LPP: variants seen among roughly 807,000 people sequenced by gnomAD.
The protein encoded by LPP is lipoma-preferred partner.
Under a neutral mutation model 60.4 loss-of-function variants are expected in LPP, and 38 were observed. The ratio of observed to expected loss-of-function variants is 0.63; its 90% CI spans 0.49 to 0.83. The LOEUF is 0.83. Ranked by LOEUF, LPP falls within the 40% of genes least tolerant of loss-of-function variation. The probability of loss-of-function intolerance (pLI) is 0.00; values close to 1 mark genes in which losing one functional copy is unlikely to be tolerated. For missense variants in LPP, 902 were observed against 783.6 expected, an observed-to-expected ratio of 1.15 and a Z score of -1.80; for synonymous variants, 328 against 290.8, an observed-to-expected ratio of 1.13 and a Z score of -1.30.
At chr3:188,787,230 G>T (rs1354343697) in intron 9 of LPP, among the ~76,000 whole-genome samples, 3 of 151,802 alleles carry the variant, frequency 2.0e-5, no homozygotes, top group Admixed American at 6.6e-5. Flanking sequence ...CTGGATAAAG[G>T]GTACTTAGAT....
intron 5 of LPP, among the ~76,000 whole-genome samples, chr3:188,498,686 T>G (rs1810959739): frequency 1.3e-5 from 2 of 152,212 alleles, no homozygotes; most frequent in African/African-American, 4.8e-5. Flanking sequence ...AGAAGTGAAT[T>G]GCTAGATAAC....
chr3:188,566,639 A>G (rs1280146310), intron 6 of LPP, among the ~76,000 whole-genome samples: 3 of 151,876 alleles, frequency 2.0e-5, no homozygotes, highest in South Asian at 2.1e-4. Flanking sequence ...TTCTCTCACT[A>G]TGTAAATTAT....
chr3:188,270,518 C>G (rs142735394), intron 2 of LPP, among the ~76,000 whole-genome samples: 1 of 152,152 alleles, frequency 6.6e-6, no homozygotes, highest in African/African-American at 2.4e-5. Context: ...TAAAGACAAA[C>G]AGCTCAGAAG....
chr3:188,861,751 C>A (rs1033083043), intron 9 of LPP, among the ~76,000 whole-genome samples: 4 of 152,120 alleles, frequency 2.6e-5, no homozygotes, highest in African/African-American at 7.2e-5. Flanking sequence ...TGGGGGTTTT[C>A]TGTACAAAGT....
At chr3:188,181,550 CTT>C (rs1336914998) in intron 1 of LPP, among the ~76,000 whole-genome samples, 2 of 152,168 alleles carry the variant, frequency 1.3e-5, no homozygotes, top group African/African-American at 4.8e-5. Context: ...TCCTCCTCCT[CTT>C]GTTTCCGCTG....
At chr3:188,448,738 C>T (rs1011759652) in intron 4 of LPP, among the ~76,000 whole-genome samples, 1 of 152,272 alleles carries the variant, frequency 6.6e-6, no homozygotes, top group East Asian at 1.9e-4. Flanking sequence ...TGGTAGTCCT[C>T]TCCCAAACAA....
rs540659631 is a variant in LPP at position 188,423,561 on chromosome 3, A to T, written c.193+17248A>T. ...GGTTGAACTAATTTACACTCCCACC[A>T]ACAGTGTAAAAGCATTCTTATTTCT... is the stretch of plus-strand genomic sequence containing the variant. On this transcript the variant is annotated intron_variant, in intron 4 of 11. Transcript: ENST00000617246. 2.6e-5 allele frequency among the ~76,000 whole-genome samples: 4 copies of T among 152,310 alleles called. No homozygotes were observed. The South Asian group carries it at 8.3e-4, about 32-fold the overall frequency.
At chr3:188,288,831 A>ACCC (rs199604800) in intron 2 of LPP, among the ~76,000 whole-genome samples, 6 of 79,680 alleles carry the variant, frequency 7.5e-5, no homozygotes, top group African/African-American at 2.2e-4. Context: ...CCCCACCCCC[A>ACCC]CCCCCCCGCC....
At chr3:188,158,066 A>G (rs1380310304) in intron 1 of LPP, among the ~76,000 whole-genome samples, 1 of 152,024 alleles carries the variant, frequency 6.6e-6, no homozygotes, top group Non-Finnish European at 1.5e-5. Context: ...TTCACAGGAG[A>G]ATAAGGCTGG....
At chr3:188,630,113 A>C (rs1164468254) in intron 7 of LPP, among the ~76,000 whole-genome samples, 3 of 152,160 alleles carry the variant, frequency 2.0e-5, no homozygotes, top group African/African-American at 7.2e-5. Context: ...CAAAAACAAA[A>C]ATTGACAAGT....
At chr3:188,462,510 T>C (rs768245148) in intron 4 of LPP, among the ~76,000 whole-genome samples, 15 of 138,058 alleles carry the variant, frequency 1.1e-4, no homozygotes, top group Non-Finnish European at 1.9e-4. Flanking sequence ...ACACACCAAA[T>C]GGCTCATATA....
At chr3:188,227,561 G>A (rs773714496) in intron 2 of LPP, among the ~76,000 whole-genome samples, 112 of 152,208 alleles carry the variant, frequency 7.4e-4, no homozygotes, top group Non-Finnish European at 1.2e-3. Flanking sequence ...AGAACAAAGT[G>A]AGTGGGTGAT....
intron 4 of LPP, among the ~76,000 whole-genome samples, chr3:188,453,156 G>A (rs953683922): frequency 1.1e-4 from 17 of 152,002 alleles, no homozygotes; most frequent in Non-Finnish European, 2.2e-4. Context: ...TCCTTCCTTA[G>A]GTTCCGGATT....
chr3:188,688,497 A>G (rs1481593423), intron 7 of LPP, among the ~76,000 whole-genome samples: 1 of 152,202 alleles, frequency 6.6e-6, no homozygotes, highest in Non-Finnish European at 1.5e-5. Context: ...ATATGCCAAG[A>G]TAGTTGGAAG....
chr3:188,873,872 G>A (rs949171683), intron 11 of LPP, among the ~76,000 whole-genome samples: 1 of 152,066 alleles, frequency 6.6e-6, no homozygotes, highest in Non-Finnish European at 1.5e-5. Context: ...TGGCCCTTCT[G>A]CTTGGCAGAC....
intron 2 of LPP, among the ~76,000 whole-genome samples, chr3:188,298,380 G>A (rs1168276675): frequency 2.6e-5 from 4 of 152,120 alleles, no homozygotes; most frequent in Non-Finnish European, 5.9e-5. Context: ...GGGGGCACTA[G>A]CCTGGCTACC....
rs182391279 is a variant in LPP at position 188,238,992 on chromosome 3, A to G, written c.-67+13465A>G. 4.9e-4 allele frequency among the ~76,000 whole-genome samples: 75 copies of G among 152,378 alleles called. 1 individual carries two copies. The highest frequency in any genetic ancestry group is 1.7e-3 in the African/African-American group (71 of 41,600). ...ACATTGAAGATGCTCAGGAAAAAATAAATTGCTTTTGTGATTCAAAGAATC... is the reference window on the plus strand; with the variant it reads ...ACATTGAAGATGCTCAGGAAAAAATGAATTGCTTTTGTGATTCAAAGAATC... On this transcript the variant is annotated intron_variant, in intron 2 of 11. Coordinates refer to ENST00000617246, the MANE Select transcript of LPP (RefSeq NM_001375462.1).
At position 188,622,888 on chromosome 3, in the gene LPP, C is replaced by T. The variant is rs550099215; in HGVS notation, c.1113+13044C>T. On this transcript the variant is annotated intron_variant, in intron 7 of 11. Coordinates refer to ENST00000617246, the MANE Select transcript of LPP (RefSeq NM_001375462.1). The stretch of plus-strand genomic sequence containing the variant: ...ACTAAAAATACAAAAATTAGCCAGG[C>T]GTGGTGGCGCATGCCTGTAATTCCA... Among the ~76,000 whole-genome samples, 33 of 151,926 alleles carry T rather than the reference C, an allele frequency of 2.2e-4. 1 individual carries two copies. In the South Asian group the frequency reaches 6.3e-3, roughly 29 times the overall value.
intron 3 of LPP, among the ~76,000 whole-genome samples, chr3:188,368,080 G>A (rs1326193882): frequency 6.6e-6 from 1 of 152,200 alleles, no homozygotes; most frequent in Non-Finnish European, 1.5e-5. Context: ...GTTTTGAAAT[G>A]AAATGTTGTT....
Sources: allele counts gnomAD v4.1 joint callset (sites outside exome capture counted in the v4.1 genomes callset), GRCh38; gene constraint gnomAD v4.1.1; transcripts MANE v1.5; gene names NCBI Gene and HGNC (gene_info 2026-07-23, HGNC 2026-07-21).